Variants in ARMC2 observed in about 807,000 individuals in gnomAD.
The protein encoded by ARMC2 is armadillo repeat-containing protein 2.
ARMC2 carries 67 observed loss-of-function variants against 90.3 expected under a neutral mutation model. The ratio of observed to expected loss-of-function variants is 0.74; its 90% CI spans 0.61 to 0.91. ARMC2 has a LOEUF of 0.91. Among genes scored for constraint, ARMC2 ranks in the 40% least tolerant of loss-of-function variants. The probability of loss-of-function intolerance (pLI) is 0.00; values close to 1 mark genes in which losing one functional copy is unlikely to be tolerated. For synonymous variants in ARMC2, 393 were observed against 393.0 expected (o/e 1.00, Z 0.00); for missense variants, 920 against 1,030.9 (o/e 0.89, Z 1.47).
At chr6:109,003,201 G>C in the ARMC2 span, among the ~76,000 whole-genome samples, 1 of 151,514 alleles carries the variant, frequency 6.6e-6, no homozygotes, top group Non-Finnish European at 1.5e-5. Context: ...GTCCTATCTA[G>C]TGTCATTTAA....
chr6:109,017,853 T>C, the ARMC2 span, among the ~76,000 whole-genome samples: 1 of 152,178 alleles, frequency 6.6e-6, no homozygotes, highest in Non-Finnish European at 1.5e-5. Context: ...TTATTTCAGC[T>C]CTAAAGTTCT....
the ARMC2 span, among the ~76,000 whole-genome samples, chr6:108,992,100 C>T: frequency 0.098 from 14,948 of 151,810 alleles, 898 homozygotes; most frequent in Middle Eastern, 0.19. Context: ...TGCCCCTTAG[C>T]TTATTTATTA....
chr6:108,908,597 A>T (rs186723600), intron 8 of ARMC2, among the ~76,000 whole-genome samples: 21 of 151,708 alleles, frequency 1.4e-4, no homozygotes, highest in Admixed American at 7.2e-4. Flanking sequence ...ATGTTGAAAA[A>T]ATTAGCCAGG....
intron 11 of ARMC2, among the ~76,000 whole-genome samples, chr6:108,931,072 C>G (rs541699259): frequency 2.6e-5 from 4 of 151,808 alleles, no homozygotes; most frequent in African/African-American, 9.7e-5. Context: ...CCTCCCTCCT[C>G]CCACCCTCCA....
At chr6:108,904,456 G>C in intron 8 of ARMC2, 51 bp downstream of exon 8, 1 of 1,433,952 alleles carries the variant, frequency 7.0e-7, no homozygotes, top group Non-Finnish European at 9.4e-7. Context: ...TAAAAGCTTT[G>C]TTTAATGCTT....
chr6:109,002,143 A>G, the ARMC2 span: 2 of 679,274 alleles, frequency 2.9e-6, no homozygotes, highest in Admixed American at 2.6e-5. Context: ...ATTCACTGCC[A>G]AAGAATGATT....
At chr6:108,907,864 T>G in intron 8 of ARMC2, 1 of 1,610,692 alleles carries the variant, frequency 6.2e-7, no homozygotes, top group South Asian at 1.1e-5. Context: ...CTGGTACAAC[T>G]GACGCTATCT....
chr6:108,988,827 T>C, the ARMC2 span: 28 of 604,248 alleles, frequency 4.6e-5, no homozygotes, highest in Non-Finnish European at 7.5e-5. Context: ...GATAGAGCTT[T>C]ATAACTGCAG....
chr6:109,009,740 G>A, the ARMC2 span, among the ~76,000 whole-genome samples: 2 of 152,104 alleles, frequency 1.3e-5, no homozygotes, highest in Non-Finnish European at 2.9e-5. Context: ...GGGGGCCCAG[G>A]TTCCCCACGA....
At chr6:108,910,451 C>T (rs1485230550) in intron 8 of ARMC2, among the ~76,000 whole-genome samples, 1 of 151,944 alleles carries the variant, frequency 6.6e-6, no homozygotes, top group Admixed American at 6.6e-5. Flanking sequence ...AGAGCAAGAC[C>T]CTGTCTCTGT....
intron 5 of ARMC2, among the ~76,000 whole-genome samples, chr6:108,886,100 A>T (rs1778074060): frequency 6.6e-6 from 1 of 152,252 alleles, no homozygotes; most frequent in Non-Finnish European, 1.5e-5. Flanking sequence ...AGTTTAGTTC[A>T]AAAGTTGCTA....
rs555352832 is a variant in ARMC2, at chr6:108,875,781, T to C, written c.464-362T>C. Among the ~76,000 whole-genome samples, 5 of 152,290 alleles carry C rather than the reference T, an allele frequency of 3.3e-5. No individual in the cohort carries two copies. The South Asian group carries it at 6.2e-4, about 19-fold the overall frequency. On this transcript the variant is annotated intron_variant, in intron 4 of 17. Coordinates refer to ENST00000392644, the MANE Select transcript of ARMC2 (RefSeq NM_032131.6). ...ACATGGGGGAGCCACTCAGTAAATA[T>C]TTTTTGAATGAAAAATTATGTGATC...
At chr6:108,952,891 CA>C in intron 12 of ARMC2, 141 bp from the exon 13 acceptor site, 5 of 796,232 alleles carry the variant, frequency 6.3e-6, no homozygotes, top group Non-Finnish European at 9.8e-6. Flanking sequence ...TCTTGAGAAT[CA>C]AATACTGTAC....
chr6:108,899,856 A>G, intron 7 of ARMC2, 64 bp downstream of exon 7: 1 of 1,227,824 alleles, frequency 8.1e-7, no homozygotes, highest in Non-Finnish European at 1.2e-6. Context: ...ACCTGTAGTT[A>G]TTTATGTGTT....
At chr6:109,001,477 C>T in the ARMC2 span, 1 of 1,612,546 alleles carries the variant, frequency 6.2e-7, no homozygotes, top group Non-Finnish European at 8.5e-7. Context: ...CTTCACTCCC[C>T]ACTTGGAGGA....
At chr6:108,998,799 T>C in the ARMC2 span, 1 of 1,565,748 alleles carries the variant, frequency 6.4e-7, no homozygotes. Context: ...TACTGGGGTG[T>C]GGTAAAAGTA....
At chr6:108,965,163 GTC>G (rs77365004) in intron 17 of ARMC2, 23 bp downstream of exon 17, 47,999 of 1,575,736 alleles carry the variant, frequency 0.03, 1,324 homozygotes, top group South Asian at 0.12. Context: ...ACTATGATGA[GTC>G]TGTGAGTTTT....
the ARMC2 span, among the ~76,000 whole-genome samples, chr6:109,042,083 A>G: frequency 3.7e-4 from 57 of 152,232 alleles, no homozygotes; most frequent in African/African-American, 1.3e-3. Flanking sequence ...TTTGCAAACT[A>G]AACACCACAC....
At chr6:108,899,825 T>C (rs1162822869) in intron 7 of ARMC2, 33 bp downstream of exon 7, 1 of 1,542,088 alleles carries the variant, frequency 6.5e-7, no homozygotes, top group African/African-American at 1.4e-5. Context: ...AAAAACCGTT[T>C]TTGTTTTTTT....
Sources: gnomAD v4.1 joint callset for allele counts (sites outside exome capture counted in the v4.1 genomes callset) on GRCh38, gnomAD v4.1.1 for gene constraint, MANE v1.5 for transcripts, NCBI Gene and HGNC (gene_info 2026-07-23, HGNC 2026-07-21) for gene names.